Variants in TEX11 observed in about 807,000 individuals in gnomAD.
TEX11 encodes the protein testis-expressed protein 11.
A neutral mutation model predicts 84.4 loss-of-function variants in TEX11; 7 were observed. The ratio of observed to expected loss-of-function variants is 0.08; its 90% confidence interval spans 0.05 to 0.16. The LOEUF (loss-of-function observed/expected upper bound fraction) is 0.16. Among genes scored for constraint, TEX11 ranks in the 10% least tolerant of loss-of-function variants. The pLI, the probability that TEX11 is intolerant of heterozygous loss-of-function variation, is 1.00. For synonymous variants in TEX11, 264 were observed against 222.8 expected, an observed-to-expected ratio of 1.18 and a Z score of -1.64; for missense variants, 551 against 660.5, an observed-to-expected ratio of 0.83 and a Z score of 1.82.
At chrX:70,523,711 G>A in the TEX11 span, among the ~76,000 whole-genome samples, 2 of 108,042 alleles carry the variant, frequency 1.9e-5, no homozygotes, top group African/African-American at 3.4e-5. Flanking sequence ...TGATCTGCCC[G>A]CCTCGGCCTC....
Position 70,552,215 on chromosome X carries a change from C to A in TEX11, c.2431G>T (p.Val811Leu). The A allele has an allele frequency of 2.5e-6, 3 of 1,210,344 alleles. No individual in the cohort carries two copies. Among genetic ancestry groups the A allele is most frequent in the Non-Finnish European group, 3.4e-6 (3 of 895,029 alleles). The change falls in exon 28 of 30, where the codon GTG (valine) becomes TTG (leucine). Residue 811 changes from valine to leucine, a missense_variant. By Grantham distance (32) the Val-to-Leu change is conservative. Transcript: ENST00000374333. ...KCMHNLVNLS[V>L]PDGASNVELC... Reference sequence around the variant, plus strand: ...TCTACATTCGACGCCCCATCTGGCACTGAGAGGTTAACCAAGTTGTGCATA... The same window carrying A: ...TCTACATTCGACGCCCCATCTGGCAATGAGAGGTTAACCAAGTTGTGCATA...
At chrX:70,810,528 C>T (rs1457484058) in intron 8 of TEX11, among the ~76,000 whole-genome samples, 2 of 111,240 alleles carry the variant, frequency 1.8e-5, no homozygotes, top group African/African-American at 6.5e-5. Context: ...TCATTCTCAG[C>T]AACCTGACAC....
chrX:70,657,249 A>G (rs905450528), intron 16 of TEX11, among the ~76,000 whole-genome samples: 2 of 111,483 alleles, frequency 1.8e-5, no homozygotes, highest in African/African-American at 6.5e-5. Flanking sequence ...GACAGAGAGA[A>G]GCAGAGCCAG....
At chrX:70,572,540 A>G (rs2088615378) in intron 25 of TEX11, among the ~76,000 whole-genome samples, 1 of 110,960 alleles carries the variant, frequency 9.0e-6, no homozygotes, top group African/African-American at 3.3e-5. Context: ...TGCTATAAAG[A>G]CACATGCACA....
chrX:70,820,948 A>G (rs1255432684), intron 8 of TEX11, among the ~76,000 whole-genome samples: 1 of 111,951 alleles, frequency 8.9e-6, no homozygotes, highest in Non-Finnish European at 1.9e-5. Flanking sequence ...CCTGGCAATG[A>G]GTTTTTGTAT....
At chrX:70,878,332 C>G (rs2147871778) in intron 3 of TEX11, among the ~76,000 whole-genome samples, 1 of 109,907 alleles carries the variant, frequency 9.1e-6, no homozygotes, top group Non-Finnish European at 1.9e-5. Flanking sequence ...GCCACCACGC[C>G]CGGCTAATTT....
chrX:70,713,137 A>C (rs184515129), intron 13 of TEX11, among the ~76,000 whole-genome samples: 6 of 111,922 alleles, frequency 5.4e-5, no homozygotes, highest in African/African-American at 1.9e-4. Context: ...CCCAGGGATG[A>C]AGCCCACTTG....
intron 25 of TEX11, among the ~76,000 whole-genome samples, chrX:70,570,618 T>C (rs2088581528): frequency 8.9e-6 from 1 of 112,252 alleles, no homozygotes. Flanking sequence ...CCATTTCCTT[T>C]GTGAGAAGGT....
intron 11 of TEX11, among the ~76,000 whole-genome samples, chrX:70,736,599 G>C (rs1352576217): frequency 1.8e-5 from 2 of 110,068 alleles, no homozygotes; most frequent in African/African-American, 6.6e-5. Flanking sequence ...TTTTTAATGG[G>C]CTCTGCCTTC....
chrX:70,637,601 G>A (rs926316104), intron 17 of TEX11, among the ~76,000 whole-genome samples: 4 of 106,530 alleles, frequency 3.8e-5, no homozygotes, highest in Non-Finnish European at 7.5e-5. Context: ...ACAAGACCAC[G>A]TCCTTTGCAG....
intron 9 of TEX11, among the ~76,000 whole-genome samples, chrX:70,779,703 A>T (rs1446412040): frequency 9.0e-6 from 1 of 110,498 alleles, no homozygotes; most frequent in Non-Finnish European, 1.9e-5. Flanking sequence ...GAGAGAGGAG[A>T]TGTTACAACT....
intron 13 of TEX11, among the ~76,000 whole-genome samples, chrX:70,688,573 T>G (rs768112269): frequency 1.3e-4 from 14 of 108,676 alleles, no homozygotes; most frequent in Non-Finnish European, 2.1e-4. Context: ...GTAAGAAAAA[T>G]AGAGAGTGAA....
chrX:70,634,324 C>T (rs778970209), intron 17 of TEX11, among the ~76,000 whole-genome samples: 7 of 111,624 alleles, frequency 6.3e-5, no homozygotes, highest in African/African-American at 1.3e-4. Context: ...CAATGTAATA[C>T]GAATCAAAAT....
At chrX:70,868,728 G>A (rs1372209092) in intron 4 of TEX11, among the ~76,000 whole-genome samples, 1 of 110,852 alleles carries the variant, frequency 9.0e-6, no homozygotes, top group Non-Finnish European at 1.9e-5. Flanking sequence ...TCCTTTGCGG[G>A]GACATGGATG....
chrX:70,645,603 C>T (rs181860162), intron 17 of TEX11, among the ~76,000 whole-genome samples: 422 of 111,206 alleles, frequency 3.8e-3, no homozygotes, highest in Non-Finnish European at 5.6e-3. Context: ...GATACAAAAT[C>T]AATATACACA....
intron 16 of TEX11, among the ~76,000 whole-genome samples, chrX:70,659,856 T>A (rs1239687341): frequency 2.7e-5 from 3 of 112,322 alleles, no homozygotes. Flanking sequence ...TACAGTCATG[T>A]GTCACTTAAC....
intron 9 of TEX11, among the ~76,000 whole-genome samples, chrX:70,794,652 C>G (rs2091145595): frequency 9.2e-6 from 1 of 109,121 alleles, no homozygotes. Context: ...GGATAGGACA[C>G]CAGGAAGAGT....
chrX:70,534,729 T>C (rs1256044940), intron 28 of TEX11, among the ~76,000 whole-genome samples: 1 of 112,077 alleles, frequency 8.9e-6, no homozygotes, highest in Non-Finnish European at 1.9e-5. Context: ...AGGCTCTCCA[T>C]AGATTCCCAA....
At chrX:70,601,452 G>A (rs1373115435) in intron 24 of TEX11, among the ~76,000 whole-genome samples, 1 of 99,304 alleles carries the variant, frequency 1.0e-5, no homozygotes, top group Non-Finnish European at 2.0e-5. Context: ...AGGAGGAACT[G>A]GTACCATACC....
Sources: gnomAD v4.1 joint callset for allele counts (sites outside exome capture counted in the v4.1 genomes callset) on GRCh38, gnomAD v4.1.1 for gene constraint, MANE v1.5 for transcripts, NCBI Gene and HGNC (gene_info 2026-07-23, HGNC 2026-07-21) for gene names.